The following SNURF variants were observed in gnomAD, a reference collection of about 807,000 sequenced individuals.
SNURF encodes the protein SNURF protein.
Under a neutral mutation model 11.6 loss-of-function variants are expected in SNURF, and 6 were observed. That is an observed-to-expected ratio of 0.52 (90% CI 0.28 to 1.02). The LOEUF (loss-of-function observed/expected upper bound fraction) is 1.02, where lower values mean the gene tolerates loss of function less well. Ranked by LOEUF, SNURF falls within the 50% of genes least tolerant of loss-of-function variation. The probability of loss-of-function intolerance (pLI) is 0.09; values close to 1 mark genes in which losing one functional copy is unlikely to be tolerated. For missense variants in SNURF, 84 were observed against 88.4 expected (o/e 0.95, Z 0.20); for synonymous variants, 29 against 31.6 (o/e 0.92, Z 0.27).
At chr15:24,975,773 A>G (rs1373387643) in intron 4 of SNURF, among the ~76,000 whole-genome samples, 3 of 152,222 alleles carry the variant, frequency 2.0e-5, no homozygotes, top group Non-Finnish European at 4.4e-5. Context: ...TATTTTTAAA[A>G]TTGAGAAAAA....
chr15:24,962,092 A>G, intron 1 of SNURF, 22 bp from the exon 2 acceptor site: 1 of 1,600,778 alleles, frequency 6.2e-7, no homozygotes, highest in Non-Finnish European at 8.6e-7. Flanking sequence ...TACCAAACAA[A>G]TGCCTCTCTT....
At chr15:24,969,032 A>G (rs2076057155), downstream of SNURF, among the ~76,000 whole-genome samples, 2 of 152,140 alleles carry the variant, frequency 1.3e-5, no homozygotes, top group Non-Finnish European at 2.9e-5. Context: ...GGGTTTACTG[A>G]TAAATTCCTT....
intron 1 of SNURF, among the ~76,000 whole-genome samples, chr15:24,958,534 T>A (rs1172418755): frequency 7.8e-6 from 1 of 127,972 alleles, no homozygotes; most frequent in Admixed American, 9.3e-5. Context: ...TAGACCAGGG[T>A]CTCCCTATGT....
chr15:24,967,994 A>G (rs781290013), exon 3 of SNURF: 1 of 1,614,096 alleles, frequency 6.2e-7, no homozygotes, highest in Non-Finnish European at 8.5e-7. Flanking sequence ...TTCCAGGCTG[A>G]ACTGAGGCAG....
chr15:24,974,265 A>C, intron 3 of SNURF: 2 of 604,554 alleles, frequency 3.3e-6, no homozygotes, highest in South Asian at 4.1e-5. Context: ...GCCTGTTTTA[A>C]AACATGGTAG....
intron 5 of SNURF, among the ~76,000 whole-genome samples, chr15:24,976,709 A>G (rs2077097954): frequency 6.6e-6 from 1 of 152,240 alleles, no homozygotes; most frequent in Non-Finnish European, 1.5e-5. Flanking sequence ...TGTGCATTTT[A>G]TACACAAGAT....
At chr15:24,972,627 C>G (rs1034746296), downstream of SNURF, among the ~76,000 whole-genome samples, 1 of 144,708 alleles carries the variant, frequency 6.9e-6, no homozygotes, top group South Asian at 2.4e-4. Flanking sequence ...CAAAAAGATA[C>G]TTTTGAATCC....
At chr15:24,963,391 C>CG (rs1293946689) in intron 2 of SNURF, among the ~76,000 whole-genome samples, 1 of 151,902 alleles carries the variant, frequency 6.6e-6, no homozygotes, top group Non-Finnish European at 1.5e-5. Context: ...CTAAGCCAGG[C>CG]GGATCACAAG....
downstream of SNURF, chr15:24,978,177 C>G: frequency 6.2e-7 from 1 of 1,608,536 alleles, no homozygotes; most frequent in Admixed American, 1.7e-5. Flanking sequence ...TTTATTTCTA[C>G]CATTTTTCAC....
downstream of SNURF, among the ~76,000 whole-genome samples, chr15:24,972,180 C>T (rs917393997): frequency 1.3e-5 from 2 of 149,544 alleles, no homozygotes; most frequent in East Asian, 2.0e-4. Context: ...CACTTGAACC[C>T]GGGAAGTGGA....
Position 24,963,606 on chromosome 15 carries a change from C to T in SNURF, c.110+1397C>T, listed in dbSNP as rs1415809207. 2.7e-5 allele frequency among the ~76,000 whole-genome samples: 4 copies of T among 147,772 alleles called. No homozygotes were observed. The East Asian group carries it at 7.8e-4, about 29-fold the overall frequency. On this transcript the variant is annotated intron_variant, in intron 2 of 2. Transcript: ENST00000577949. ...CTCTAGCCTGGGTGACAGAGCAAGA[C>T]TCCATCTCAGGAAAAAAAAAAAAAG... is the stretch of plus-strand genomic sequence containing the variant.
At chr15:24,973,031 G>A (rs1358839694), downstream of SNURF, among the ~76,000 whole-genome samples, 1 of 152,070 alleles carries the variant, frequency 6.6e-6, no homozygotes, top group Non-Finnish European at 1.5e-5. Flanking sequence ...GGGATTACAG[G>A]CGCCTGCCAC....
At chr15:24,955,502 G>A (rs1345534184) in intron 1 of SNURF, among the ~76,000 whole-genome samples, 6 of 151,340 alleles carry the variant, frequency 4.0e-5, no homozygotes, top group African/African-American at 1.5e-4. Flanking sequence ...TGATTGTGGC[G>A]GGGCGAAGGT....
chr15:24,970,368 T>G (rs1207332156), downstream of SNURF, among the ~76,000 whole-genome samples: 1 of 151,952 alleles, frequency 6.6e-6, no homozygotes, highest in Non-Finnish European at 1.5e-5. Flanking sequence ...TCACCTGAGG[T>G]CAGAAGTTCG....
intron 2 of SNURF, among the ~76,000 whole-genome samples, chr15:24,964,414 T>C (rs1404743463): frequency 1.3e-5 from 2 of 152,186 alleles, no homozygotes; most frequent in African/African-American, 4.8e-5. Flanking sequence ...TGCCTCAGTC[T>C]CCCAAGTAAC....
downstream of SNURF, among the ~76,000 whole-genome samples, chr15:24,970,989 A>G (rs983451559): frequency 3.3e-5 from 5 of 152,166 alleles, no homozygotes; most frequent in Non-Finnish European, 7.3e-5. Context: ...TAACAGATCA[A>G]TACTGATATT....
At chr15:24,974,362 A>G in intron 3 of SNURF, 1 of 1,182,330 alleles carries the variant, frequency 8.5e-7, no homozygotes, top group Non-Finnish European at 1.3e-6. Flanking sequence ...TTCTAGGAGA[A>G]CCTGCGTCAT....
chr15:24,974,752 T>C, intron 3 of SNURF: 1 of 610,274 alleles, frequency 1.6e-6, no homozygotes, highest in Non-Finnish European at 2.9e-6. Context: ...AGAAACAGGG[T>C]TTCACTGTGT....
chr15:24,969,614 A>T (rs2153606138), downstream of SNURF, among the ~76,000 whole-genome samples: 1 of 150,804 alleles, frequency 6.6e-6, no homozygotes. Context: ...TTTACTTTTT[A>T]GGAATTTTTT....
Sources: allele counts gnomAD v4.1 joint callset (sites outside exome capture counted in the v4.1 genomes callset), GRCh38; gene constraint gnomAD v4.1.1; transcripts MANE v1.5; gene names NCBI Gene and HGNC (gene_info 2026-07-23, HGNC 2026-07-21).